ATG10: variants seen among roughly 807,000 people sequenced by gnomAD.
ATG10 encodes autophagy related 10.
A neutral mutation model predicts 32.1 loss-of-function variants in ATG10; 30 were observed. The ratio of observed to expected loss-of-function variants is 0.94; its 90% CI spans 0.70 to 1.27. ATG10 has a LOEUF of 1.27. Ranked by LOEUF, ATG10 falls within the 50% of genes most tolerant of loss-of-function variation. ATG10 has a pLI of 0.00. For missense variants in ATG10, 233 were observed against 262.3 expected (o/e 0.89, Z 0.77); for synonymous variants, 87 against 91.5 (o/e 0.95, Z 0.28).
At chr5:82,232,152 A>G (rs1422261441) in intron 5 of ATG10, among the ~76,000 whole-genome samples, 1 of 152,210 alleles carries the variant, frequency 6.6e-6, no homozygotes. Flanking sequence ...GTGCCGCAAC[A>G]CACCTAGCTC....
intron 3 of ATG10, among the ~76,000 whole-genome samples, chr5:82,123,718 C>G (rs1256627257): frequency 7.6e-6 from 1 of 132,384 alleles, no homozygotes; most frequent in East Asian, 2.2e-4. Context: ...TTGCTTGAGC[C>G]AGGAGTTCTA....
chr5:82,009,528 G>T, intron 2 of ATG10: 1 of 1,314,982 alleles, frequency 7.6e-7, no homozygotes, highest in Non-Finnish European at 1.1e-6. Context: ...GAGCAAATGG[G>T]ATGGAGGGGT....
At chr5:82,165,830 C>G (rs1273852749) in intron 4 of ATG10, among the ~76,000 whole-genome samples, 1 of 152,138 alleles carries the variant, frequency 6.6e-6, no homozygotes, top group Non-Finnish European at 1.5e-5. Flanking sequence ...TTTCTTGGTT[C>G]TGGTTTGCAA....
At chr5:82,017,981 C>T (rs1762334642) in intron 2 of ATG10, among the ~76,000 whole-genome samples, 1 of 152,182 alleles carries the variant, frequency 6.6e-6, no homozygotes, top group Non-Finnish European at 1.5e-5. Context: ...TAGCTAGTCT[C>T]ATGACCATGG....
In ATG10 at chr5:82,164,443, T is replaced by G; in HGVS notation, c.261T>G (p.Thr87=). ...TGGATGATTGTGAAGTGATTGAAAC[T>G]GCAGCAGCGTCCGAAGTGATTAAAT... The part of the protein sequence containing the change: ...LPLDDCEVIE[T]AAASEVIKYE... The change falls in exon 4 of 8, where the codon ACT becomes ACG. Residue 87 remains threonine, a synonymous_variant. Transcript: ENST00000282185. 6.2e-7 allele frequency: 1 copy of G among 1,614,016 alleles called. No individual in the cohort carries two copies. The highest frequency in any genetic ancestry group is 8.5e-7 in the Non-Finnish European group (1 of 1,179,926).
intron 3 of ATG10, among the ~76,000 whole-genome samples, chr5:82,089,452 A>G (rs1235036016): frequency 1.8e-4 from 27 of 152,220 alleles, no homozygotes; most frequent in Admixed American, 1.7e-3. Context: ...AATGATTTTT[A>G]ACAAAAGTGC....
chr5:82,100,519 T>A (rs944289577), intron 3 of ATG10, among the ~76,000 whole-genome samples: 1 of 152,062 alleles, frequency 6.6e-6, no homozygotes, highest in Non-Finnish European at 1.5e-5. Flanking sequence ...CCCTGAATTC[T>A]TAGAAAGAGA....
Position 82,239,101 on chromosome 5 carries a change from A to G in ATG10, c.454-13461A>G, listed in dbSNP as rs369296057. The stretch of plus-strand genomic sequence containing the variant: ...CGTTCTTAGATACACATTGGAAGAA[A>G]TATTTGAGAAAACAGATACTGAAGT... On this transcript the variant is annotated intron_variant, in intron 5 of 7. Transcript: ENST00000282185. 6.7e-4 allele frequency among the ~76,000 whole-genome samples: 102 copies of G among 152,312 alleles called. 3 individuals carry two copies. In the South Asian group the frequency reaches 0.02, roughly 30 times the overall value.
chr5:82,132,599 A>C (rs886904855), intron 3 of ATG10, among the ~76,000 whole-genome samples: 2 of 151,962 alleles, frequency 1.3e-5, no homozygotes, highest in African/African-American at 2.4e-5. Context: ...CTTTTTTATG[A>C]GTGCATGTTA....
chr5:82,241,611 G>C (rs1746804706), intron 5 of ATG10, among the ~76,000 whole-genome samples: 1 of 151,936 alleles, frequency 6.6e-6, no homozygotes, highest in Non-Finnish European at 1.5e-5. Flanking sequence ...AGGGTTTTAG[G>C]ATCTTTGCAG....
chr5:82,073,813 A>G (rs1365356558), intron 3 of ATG10: 1 of 152,226 alleles, frequency 6.6e-6, no homozygotes, highest in Non-Finnish European at 1.5e-5. Flanking sequence ...CAGGGTGGCT[A>G]TGAGGATCAA....
At chr5:82,253,484 T>C (rs905969753) in intron 7 of ATG10, 55 bp downstream of exon 7, 59 of 1,214,936 alleles carry the variant, frequency 4.9e-5, no homozygotes, top group Non-Finnish European at 6.2e-5. Flanking sequence ...AATGTCTCCA[T>C]TGCATTTAGA....
At chr5:82,220,513 C>T (rs181257706) in intron 5 of ATG10, among the ~76,000 whole-genome samples, 199 of 152,086 alleles carry the variant, frequency 1.3e-3, no homozygotes, top group African/African-American at 4.4e-3. Context: ...CTGCCTGCCT[C>T]GGCCTCCCAA....
intron 3 of ATG10, chr5:82,073,596 T>C (rs771075163): frequency 6.6e-6 from 1 of 151,882 alleles, no homozygotes; most frequent in Non-Finnish European, 1.5e-5. Flanking sequence ...AATACAGGAG[T>C]TGGGAGGTTG....
chr5:82,129,092 A>C (rs1041762865), intron 3 of ATG10, among the ~76,000 whole-genome samples: 9 of 151,418 alleles, frequency 5.9e-5, no homozygotes, highest in Non-Finnish European at 1.3e-4. Context: ...TATTTCCTTA[A>C]GTTGATCTTC....
intron 2 of ATG10, among the ~76,000 whole-genome samples, chr5:82,026,706 T>C (rs1191610123): frequency 6.6e-6 from 1 of 152,220 alleles, no homozygotes; most frequent in Admixed American, 6.5e-5. Flanking sequence ...CTAAAAATCA[T>C]GTAATAATTC....
At chr5:82,161,117 A>G (rs1286961241) in intron 3 of ATG10, among the ~76,000 whole-genome samples, 2 of 152,212 alleles carry the variant, frequency 1.3e-5, no homozygotes, top group African/African-American at 2.4e-5. Flanking sequence ...TCAAGGAATG[A>G]TATTTTAATG....
chr5:82,250,142 G>A (rs1747195680), intron 5 of ATG10, among the ~76,000 whole-genome samples: 1 of 152,174 alleles, frequency 6.6e-6, no homozygotes, highest in Non-Finnish European at 1.5e-5. Flanking sequence ...TTAAATCCCA[G>A]CTTTCTAAAC....
chr5:82,189,769 A>G (rs565817448), intron 5 of ATG10, among the ~76,000 whole-genome samples: 1 of 152,152 alleles, frequency 6.6e-6, no homozygotes, highest in South Asian at 2.1e-4. Context: ...GATTACAGGC[A>G]TGCACCACTA....
Sources: gnomAD v4.1 joint callset for allele counts (sites outside exome capture counted in the v4.1 genomes callset) on GRCh38, gnomAD v4.1.1 for gene constraint, MANE v1.5 for transcripts, NCBI Gene and HGNC (gene_info 2026-07-23, HGNC 2026-07-21) for gene names.